Variants in SLC41A1 observed in about 807,000 individuals in gnomAD.
The protein encoded by SLC41A1 is solute carrier family 41 member 1, also known as solute carrier family 41 (magnesium transporter), member 1.
Under a neutral mutation model 47.3 loss-of-function variants are expected in SLC41A1, and 20 were observed. That is an observed-to-expected ratio of 0.42 (90% confidence interval 0.30 to 0.61). SLC41A1 has a LOEUF of 0.61. Ranked by LOEUF, SLC41A1 falls within the 20% of genes least tolerant of loss-of-function variation. The pLI, the probability that SLC41A1 is intolerant of heterozygous loss-of-function variation, is 0.17. For synonymous variants in SLC41A1, 282 were observed against 272.7 expected (o/e 1.03, Z -0.34); for missense variants, 504 against 674.1 (o/e 0.75, Z 2.79).
Position 205,790,774 on chromosome 1 carries a change from G to A in SLC41A1, c.*759C>T, listed in dbSNP as rs1286853248. ...TGGGCCCAGGGAGAATGTGGATTTT[G>A]GGGAACCAATAGGTGGACATGGGTC... On this transcript the variant is annotated 3_prime_UTR_variant, in exon 11 of 11. Coordinates refer to ENST00000367137, the MANE Select transcript of SLC41A1 (RefSeq NM_173854.6). The A allele has an allele frequency of 6.6e-6, 1 of 152,268 alleles. No individual in the cohort carries two copies. Among genetic ancestry groups the A allele is most frequent in the Non-Finnish European group, 1.5e-5 (1 of 68,104 alleles). 9.4% of individuals were successfully genotyped at this position (152,268 alleles called of 1,614,324 possible).
At chr1:205,798,906 A>C in intron 5 of SLC41A1, 51 bp downstream of exon 5, 1 of 1,614,146 alleles carries the variant, frequency 6.2e-7, no homozygotes, top group Non-Finnish European at 8.5e-7. Context: ...TGCCAGGTGC[A>C]GTGTTCTCTG....
At chr1:205,795,961 T>C in intron 8 of SLC41A1, 1 of 246,588 alleles carries the variant, frequency 4.1e-6, no homozygotes, top group South Asian at 5.4e-5. Flanking sequence ...AGGATCAGGT[T>C]TGAGCTCCAA....
chr1:205,795,560 T>C, intron 8 of SLC41A1, 82 bp from the exon 9 acceptor site: 1 of 1,534,666 alleles, frequency 6.5e-7, no homozygotes. Flanking sequence ...ACTCTTTGTC[T>C]TCTATCTATA....
In SLC41A1 at chr1:205,799,923, A is replaced by C; in HGVS notation, c.481-93T>G. On this transcript the variant is annotated intron_variant, in intron 3 of 10. Transcript: ENST00000367137. ...TCCTGCCTAGATCATGAGGCAGTACATGTGGCCTAAGACTCTGAGAGCAGG... is the reference window on the plus strand; with the variant it reads ...TCCTGCCTAGATCATGAGGCAGTACCTGTGGCCTAAGACTCTGAGAGCAGG... The C allele has an allele frequency of 3.7e-6, 4 of 1,074,362 alleles. No individual in the cohort carries two copies. In the East Asian group the frequency reaches 7.5e-5, roughly 20 times the overall value. The allele number at this position is 1,074,362 out of a possible 1,614,324, so 66.6% of individuals were successfully genotyped here.
At chr1:205,797,029 C>T (rs540504989) in intron 7 of SLC41A1, 26 bp from the exon 8 acceptor site, 40 of 1,503,686 alleles carry the variant, frequency 2.7e-5, no homozygotes, top group East Asian at 1.7e-4. Context: ...GACAAAATGA[C>T]GCAAAGACCA....
chr1:205,800,840 C>A, intron 3 of SLC41A1, 113 bp downstream of exon 3: 1 of 1,020,562 alleles, frequency 9.8e-7, no homozygotes, highest in Non-Finnish European at 1.5e-6. Context: ...CCACCCCAGC[C>A]CCACACTCCA....
At chr1:205,798,417 T>G (rs1204111528) in intron 6 of SLC41A1, among the ~76,000 whole-genome samples, 1 of 152,060 alleles carries the variant, frequency 6.6e-6, no homozygotes, top group Non-Finnish European at 1.5e-5. Flanking sequence ...TTCCACCTCA[T>G]CCCTCCAAGA....
chr1:205,795,268 A>G, intron 9 of SLC41A1, 76 bp downstream of exon 9: 1 of 1,608,698 alleles, frequency 6.2e-7, no homozygotes, highest in Non-Finnish European at 8.5e-7. Context: ...CTGGGGCCCC[A>G]GCTGTCTCTT....
intron 4 of SLC41A1, 119 bp downstream of exon 4, chr1:205,799,640 G>A: frequency 8.7e-7 from 1 of 1,150,570 alleles, no homozygotes; most frequent in Non-Finnish European, 1.3e-6. Flanking sequence ...TCTGGGGGAA[G>A]CCAGCTCAGT....
At chr1:205,799,956 A>G in intron 3 of SLC41A1, 126 bp from the exon 4 acceptor site, 2 of 790,556 alleles carry the variant, frequency 2.5e-6, no homozygotes, top group African/African-American at 3.5e-5. Context: ...AGGACCTGAC[A>G]GTCCCGGAAA....
At chr1:205,807,110 T>C (rs1656030953) in intron 2 of SLC41A1, among the ~76,000 whole-genome samples, 1 of 152,046 alleles carries the variant, frequency 6.6e-6, no homozygotes, top group African/African-American at 2.4e-5. Context: ...GAAGGGGTAA[T>C]ATAGGTGTGA....
chr1:205,807,648 GTCTTTT>G (rs983046555), intron 2 of SLC41A1, among the ~76,000 whole-genome samples: 1 of 100,124 alleles, frequency 1.0e-5, no homozygotes, highest in Non-Finnish European at 2.0e-5. Context: ...TCCTCGTAGA[GTCTTTT>G]TTTTTTTTTT....
At position 205,798,649 on chromosome 1, in the gene SLC41A1, CCA is replaced by C. The variant is rs1186621630; in HGVS notation, c.844+18_844+19del. 6.2e-7 allele frequency: 1 copy of C among 1,614,066 alleles called. No individual in the cohort carries two copies. Among genetic ancestry groups the C allele is most frequent in the African/African-American group, 1.3e-5 (1 of 74,926 alleles). On this transcript the variant is annotated intron_variant, in intron 6 of 10. Coordinates refer to ENST00000367137, the MANE Select transcript of SLC41A1 (RefSeq NM_173854.6). ...CAACCCCACCCAGGACTCCAAGAAGCCACACTCTTGGTGGCTCACTCAGTTCC... is the reference window on the plus strand; with the variant it reads ...CAACCCCACCCAGGACTCCAAGAAGCCACTCTTGGTGGCTCACTCAGTTCC...
chr1:205,791,380 G>A lies in SLC41A1; in HGVS notation c.*153C>T, dbSNP rs1655622835. ...TCTTGCTATACAAACTTGGCTCAAT[G>A]TATAAAAATTCCCATTGAAAATAAT... On this transcript the variant is annotated 3_prime_UTR_variant, in exon 11 of 11. Coordinates refer to ENST00000367137, the MANE Select transcript of SLC41A1 (RefSeq NM_173854.6). This position sits in a 1 kb window ranked among gnomAD's most constrained non-coding sequence, Gnocchi z 4.0. 10 of 972,590 alleles carry A rather than the reference G, an allele frequency of 1.0e-5. No individual in the cohort carries two copies. In the South Asian group the frequency reaches 1.3e-4, roughly 13 times the overall value. The allele number at this position is 972,590 out of a possible 1,614,324, so 60.2% of individuals were successfully genotyped here.
chr1:205,791,828 CCTTA>C lies in SLC41A1; in HGVS notation c.1357-114_1357-111del. ...ATCACAGGGCTTGGCTGGCCATAAT[CCTTA>C]CTTTTTAATCTTCCTCTTTCCACCC... is the stretch of plus-strand genomic sequence containing the variant. On this transcript the variant is annotated intron_variant, in intron 10 of 10. Coordinates refer to ENST00000367137, the MANE Select transcript of SLC41A1 (RefSeq NM_173854.6). The surrounding 1 kb of genome is among the most constrained non-coding windows in gnomAD (Gnocchi z 4.0). 5.1e-6 allele frequency: 7 copies of C among 1,382,002 alleles called. No homozygotes were observed. The highest frequency in any genetic ancestry group is 6.0e-6 in the Non-Finnish European group (6 of 995,272). 85.6% of individuals were successfully genotyped at this position (1,382,002 alleles called of 1,614,324 possible).
intron 2 of SLC41A1, among the ~76,000 whole-genome samples, chr1:205,801,777 G>C (rs1655886149): frequency 6.6e-6 from 1 of 152,234 alleles, no homozygotes; most frequent in Non-Finnish European, 1.5e-5. Flanking sequence ...CTAGTCCCAA[G>C]ACAATCAATC....
chr1:205,796,878 T>C, intron 8 of SLC41A1, 46 bp downstream of exon 8: 1 of 1,584,486 alleles, frequency 6.3e-7, no homozygotes, highest in Non-Finnish European at 8.6e-7. Flanking sequence ...CCTGTCCCTT[T>C]CCTTCCCCCA....
intron 10 of SLC41A1, among the ~76,000 whole-genome samples, chr1:205,792,159 A>T (rs1655641115): frequency 6.6e-6 from 1 of 152,108 alleles, no homozygotes; most frequent in Admixed American, 6.5e-5. Context: ...CTTTTCCTAA[A>T]GGGATGTCTT....
chr1:205,792,756 C>T (rs1160173809), intron 10 of SLC41A1, among the ~76,000 whole-genome samples: 1 of 152,170 alleles, frequency 6.6e-6, no homozygotes, highest in Non-Finnish European at 1.5e-5. Flanking sequence ...CAGATTCTGA[C>T]GGTCAAGCTC....
Sources: allele counts gnomAD v4.1 joint callset (sites outside exome capture counted in the v4.1 genomes callset), GRCh38; gene constraint gnomAD v4.1.1; non-coding constraint Gnocchi (gnomAD v3.1); transcripts MANE v1.5; gene names NCBI Gene and HGNC (gene_info 2026-07-23, HGNC 2026-07-21).